The following DNAH11 variants were observed in gnomAD, a reference collection of about 807,000 sequenced individuals.
DNAH11 encodes the protein axonemal beta dynein heavy chain 11.
In DNAH11, 442 loss-of-function variants were observed where a neutral mutation model predicts 526.0. The observed-to-expected ratio is 0.84, with a 90% CI of 0.78 to 0.91. The LOEUF (loss-of-function observed/expected upper bound fraction) is 0.91. Ranked by LOEUF, DNAH11 falls within the 40% of genes least tolerant of loss-of-function variation. The pLI is 0.00. For synonymous variants in DNAH11, 2,461 were observed against 1,935.9 expected (o/e 1.27, Z -7.12); for missense variants, 6,989 against 5,448.7 (o/e 1.28, Z -8.90).
chr7:21,658,310 C>A (rs1782103069), intron 29 of DNAH11, among the ~76,000 whole-genome samples: 1 of 151,912 alleles, frequency 6.6e-6, no homozygotes, highest in Non-Finnish European at 1.5e-5. Flanking sequence ...AAACTGTGAA[C>A]TATGAAGATT....
Position 21,558,934 on chromosome 7 carries a change from ACT to A in DNAH11, c.631_632del (p.Leu211SerfsTer33). 6.3e-7 allele frequency: 1 copy of A among 1,597,320 alleles called. No homozygotes were observed. The highest frequency in any genetic ancestry group is 8.5e-7 in the Non-Finnish European group (1 of 1,171,054). On this transcript the variant is annotated frameshift_variant, in exon 3 of 82. Transcript: ENST00000409508. LOFTEE classifies it high-confidence loss of function. Reference sequence around the variant, plus strand: ...TTTTAGGGGCAAAATGTCTAGAAGAACTCTTCTACCAATTCCCACTGTTGCAG... The same window carrying A: ...TTTTAGGGGCAAAATGTCTAGAAGAACTTCTACCAATTCCCACTGTTGCAG... The part of the protein sequence containing the change: ...YIFRGKMSRR[T>X]LLPIPTVAGK...
chr7:21,564,774 A>T (rs1337758530), intron 6 of DNAH11, among the ~76,000 whole-genome samples: 1 of 152,190 alleles, frequency 6.6e-6, no homozygotes, highest in Non-Finnish European at 1.5e-5. Context: ...AGTTAAGAGC[A>T]TCTGGCAAAA....
At chr7:21,795,507 C>G (rs1435407742) in intron 61 of DNAH11, among the ~76,000 whole-genome samples, 1 of 152,218 alleles carries the variant, frequency 6.6e-6, no homozygotes, top group Non-Finnish European at 1.5e-5. Context: ...ACACTATGAG[C>G]TCCTTAAAGT....
chr7:21,833,904 T>C (rs75529921), intron 65 of DNAH11, among the ~76,000 whole-genome samples: 7,598 of 152,146 alleles, frequency 0.05, 374 homozygotes, highest in East Asian at 0.27. Context: ...ACGATAATAA[T>C]AGGGGACCTC....
At chr7:21,572,447 C>T (rs534005076) in intron 8 of DNAH11, among the ~76,000 whole-genome samples, 6 of 152,164 alleles carry the variant, frequency 3.9e-5, no homozygotes, top group Admixed American at 3.9e-4. Context: ...TATTTCCAAC[C>T]ACAGGAAAGG....
intron 27 of DNAH11, 51 bp downstream of exon 27, chr7:21,637,753 C>G: frequency 2.6e-6 from 3 of 1,140,724 alleles, no homozygotes; most frequent in African/African-American, 1.6e-5. Context: ...TTTATGAAGT[C>G]TTTTTCACAT....
chr7:21,834,539 C>T (rs1781917797), intron 65 of DNAH11, among the ~76,000 whole-genome samples: 1 of 152,126 alleles, frequency 6.6e-6, no homozygotes, highest in Non-Finnish European at 1.5e-5. Flanking sequence ...ATCAACAAGA[C>T]AGTTGGTTTT....
intron 65 of DNAH11, 55 bp downstream of exon 65, chr7:21,818,394 A>G (rs1291969480): frequency 4.5e-6 from 7 of 1,555,212 alleles, no homozygotes; most frequent in African/African-American, 4.2e-5. Context: ...TTTCAGCAGC[A>G]GCATCTCTTA....
At chr7:21,577,883 ATTAC>A (rs1351035179) in intron 8 of DNAH11, among the ~76,000 whole-genome samples, 1 of 152,230 alleles carries the variant, frequency 6.6e-6, no homozygotes, top group Non-Finnish European at 1.5e-5. Flanking sequence ...AGATTTTGGA[ATTAC>A]TTGAAAAAGA....
At chr7:21,607,824 A>C (rs1016229518) in intron 20 of DNAH11, among the ~76,000 whole-genome samples, 4 of 151,354 alleles carry the variant, frequency 2.6e-5, no homozygotes, top group African/African-American at 9.7e-5. Flanking sequence ...TGTAGTCCCA[A>C]CTACTCAGGA....
rs534982557 is a variant in DNAH11 at position 21,710,832 on chromosome 7, A to G, written c.6834+129A>G. 25 of 920,496 alleles carry G rather than the reference A, an allele frequency of 2.7e-5. No individual in the cohort carries two copies. In the South Asian group the frequency reaches 4.8e-4, roughly 18 times the overall value. The allele number at this position is 920,496 out of a possible 1,614,324, so 57.0% of individuals were successfully genotyped here. ...GATTCTTTATGTAATTATTATTTTG[A>G]TAAGTGTTGCTTTCCTGATAATTTT... On this transcript the variant is annotated intron_variant, in intron 41 of 81. Transcript: ENST00000409508.
chr7:21,615,329 G>A (rs1231968508), intron 21 of DNAH11, 57 bp downstream of exon 21: 6 of 1,578,040 alleles, frequency 3.8e-6, no homozygotes, highest in Admixed American at 1.7e-5. Flanking sequence ...TACATATGCA[G>A]TTTGTGGAGC....
Position 21,892,515 on chromosome 7 carries a change from C to T in DNAH11, c.12598C>T (p.Pro4200Ser). ...CCACCAGTACATAGAGGAGATGCTT[C>T]CTCCAGAAAGCCCGGCACTGTATGG... is the stretch of plus-strand genomic sequence containing the variant. ...GYHQYIEEMLPPESPALYGLH... is the reference protein window; with the variant it reads ...GYHQYIEEMLSPESPALYGLH... Residue 4200 changes from proline (P) to serine (S), a missense_variant, in exon 77 of 82, where the codon CCT becomes TCT. Coordinates refer to ENST00000409508, the MANE Select transcript of DNAH11 (RefSeq NM_001277115.2). 6.2e-7 allele frequency: 1 copy of T among 1,613,964 alleles called. No homozygotes were observed. Among genetic ancestry groups the T allele is most frequent in the Non-Finnish European group, 8.5e-7 (1 of 1,179,876 alleles).
chr7:21,627,633 C>G (rs149713243), intron 25 of DNAH11, among the ~76,000 whole-genome samples: 3 of 152,102 alleles, frequency 2.0e-5, no homozygotes, highest in African/African-American at 7.2e-5. Flanking sequence ...TTCCATTGGT[C>G]TCTGTGTCTG....
chr7:21,559,903 G>C, intron 4 of DNAH11, 111 bp downstream of exon 4: 1 of 928,354 alleles, frequency 1.1e-6, no homozygotes, highest in African/African-American at 1.7e-5. Flanking sequence ...TTACTGGTCT[G>C]CCCTCTTTTC....
intron 7 of DNAH11, chr7:21,570,553 C>T: frequency 3.2e-6 from 1 of 308,404 alleles, no homozygotes; most frequent in Non-Finnish European, 5.9e-6. Context: ...CTTTATGTAT[C>T]AGTGACTCTT....
At chr7:21,639,737 A>C (rs1232954280) in intron 28 of DNAH11, among the ~76,000 whole-genome samples, 2 of 152,130 alleles carry the variant, frequency 1.3e-5, no homozygotes, top group Non-Finnish European at 2.9e-5. Context: ...ATTTAGACCA[A>C]CTCAATCATT....
intron 54 of DNAH11, among the ~76,000 whole-genome samples, chr7:21,751,021 T>C (rs1460905762): frequency 7.2e-5 from 11 of 152,084 alleles, no homozygotes; most frequent in Non-Finnish European, 4.4e-5. Flanking sequence ...GGGAAAGGAA[T>C]TTAGAAGTAA....
chr7:21,732,399 T>C (rs1038504901), intron 45 of DNAH11, among the ~76,000 whole-genome samples: 1 of 152,208 alleles, frequency 6.6e-6, no homozygotes, highest in African/African-American at 2.4e-5. Flanking sequence ...TTAAAGCCCG[T>C]GTCTCCAAAT....
Sources: allele counts gnomAD v4.1 joint callset (sites outside exome capture counted in the v4.1 genomes callset), GRCh38; gene constraint gnomAD v4.1.1; transcripts MANE v1.5; gene names NCBI Gene and HGNC (gene_info 2026-07-23, HGNC 2026-07-21).